LRRC4C: variants seen among roughly 807,000 people sequenced by gnomAD.
The protein encoded by LRRC4C is leucine rich repeat containing 4C.
Under a neutral mutation model 33.6 loss-of-function variants are expected in LRRC4C, and 5 were observed. The observed-to-expected ratio is 0.15, with a 90% CI of 0.08 to 0.31. The LOEUF (loss-of-function observed/expected upper bound fraction) is 0.31. Among genes scored for constraint, LRRC4C ranks in the 10% least tolerant of loss-of-function variants. The probability of loss-of-function intolerance (pLI) is 1.00; values close to 1 mark genes in which losing one functional copy is unlikely to be tolerated. For missense variants in LRRC4C, 560 were observed against 796.7 expected, an observed-to-expected ratio of 0.70 and a Z score of 3.58; for synonymous variants, 329 against 302.0, an observed-to-expected ratio of 1.09 and a Z score of -0.93.
At chr11:41,208,684 C>T (rs1946697297) in intron 1 of LRRC4C, among the ~76,000 whole-genome samples, 1 of 152,206 alleles carries the variant, frequency 6.6e-6, no homozygotes, top group African/African-American at 2.4e-5. Flanking sequence ...GGAACATGTG[C>T]TTCTCTACAA....
intron 2 of LRRC4C, among the ~76,000 whole-genome samples, chr11:40,866,401 A>C (rs1954372420): frequency 6.6e-6 from 1 of 152,132 alleles, no homozygotes; most frequent in South Asian, 2.1e-4. Context: ...TTCTTTGCAA[A>C]GTTTCATGAA....
At chr11:41,376,992 T>C (rs1008832101) in intron 1 of LRRC4C, among the ~76,000 whole-genome samples, 25 of 152,124 alleles carry the variant, frequency 1.6e-4, no homozygotes, top group Non-Finnish European at 1.6e-4. Flanking sequence ...TAAAATGGGT[T>C]AAATCTAACA....
chr11:40,638,225 T>C (rs72892757), intron 3 of LRRC4C, among the ~76,000 whole-genome samples: 23,986 of 152,230 alleles, frequency 0.16, 1,924 homozygotes, highest in Non-Finnish European at 0.18. Context: ...CTCTGTCCAC[T>C]AAAATATGGG....
At chr11:40,451,930 AGACAGTGGGTGCAG>A (rs1270350491) in intron 3 of LRRC4C, among the ~76,000 whole-genome samples, 1 of 152,144 alleles carries the variant, frequency 6.6e-6, no homozygotes, top group African/African-American at 2.4e-5. Flanking sequence ...GGGGATTGTC[AGACAGTGGGTGCAG>A]GACAGTGGGT....
chr11:40,620,376 C>T (rs1023474720), intron 3 of LRRC4C, among the ~76,000 whole-genome samples: 1 of 151,720 alleles, frequency 6.6e-6, no homozygotes, highest in East Asian at 1.9e-4. Context: ...TTCTGCTCAA[C>T]AGCCTTAGGC....
chr11:40,122,565 A>G (rs1377543235), intron 6 of LRRC4C, among the ~76,000 whole-genome samples: 1 of 152,090 alleles, frequency 6.6e-6, no homozygotes, highest in African/African-American at 2.4e-5. Context: ...TTCTGACCTA[A>G]TCTTCACAGC....
chr11:40,586,033 T>C (rs77595932), intron 3 of LRRC4C, among the ~76,000 whole-genome samples: 1 of 134,038 alleles, frequency 7.5e-6, no homozygotes, highest in Non-Finnish European at 1.6e-5. Flanking sequence ...TTCTAGATCC[T>C]TGAGGAATCG....
chr11:41,419,320 C>T (rs1954794847), intron 1 of LRRC4C, among the ~76,000 whole-genome samples: 1 of 151,872 alleles, frequency 6.6e-6, no homozygotes, highest in Admixed American at 6.6e-5. Flanking sequence ...CACAATGACT[C>T]TTATAATATA....
chr11:40,670,941 A>T (rs956512766), intron 2 of LRRC4C, among the ~76,000 whole-genome samples: 4 of 151,732 alleles, frequency 2.6e-5, no homozygotes, highest in African/African-American at 4.8e-5. Context: ...TTTTTTGTAT[A>T]TTTAGTAGAG....
intron 1 of LRRC4C, among the ~76,000 whole-genome samples, chr11:41,279,560 C>T (rs1949600965): frequency 6.6e-6 from 1 of 152,102 alleles, no homozygotes; most frequent in African/African-American, 2.4e-5. Flanking sequence ...AGTTCACTCT[C>T]CTGTTTAATT....
chr11:40,227,265 C>T (rs901219698), intron 5 of LRRC4C, among the ~76,000 whole-genome samples: 6 of 152,184 alleles, frequency 3.9e-5, no homozygotes, highest in African/African-American at 1.4e-4. Flanking sequence ...TTCCTCTCCT[C>T]CCAGTGGATT....
intron 2 of LRRC4C, among the ~76,000 whole-genome samples, chr11:40,768,258 G>C (rs531538131): frequency 6.6e-6 from 1 of 151,970 alleles, no homozygotes; most frequent in East Asian, 1.9e-4. Flanking sequence ...CCTACCAAGA[G>C]AACCACAAAG....
intron 2 of LRRC4C, among the ~76,000 whole-genome samples, chr11:40,817,150 A>G (rs952413377): frequency 6.6e-6 from 1 of 152,198 alleles, no homozygotes; most frequent in African/African-American, 2.4e-5. Context: ...CCTCACTCAG[A>G]AAACTTTCCT....
At chr11:41,112,581 A>G (rs1941897399) in intron 1 of LRRC4C, among the ~76,000 whole-genome samples, 1 of 152,040 alleles carries the variant, frequency 6.6e-6, no homozygotes, top group South Asian at 2.1e-4. Context: ...TTCCTTTAAA[A>G]TTTTATAAAC....
At chr11:41,118,246 C>T (rs1942241770) in intron 1 of LRRC4C, among the ~76,000 whole-genome samples, 1 of 152,138 alleles carries the variant, frequency 6.6e-6, no homozygotes, top group South Asian at 2.1e-4. Context: ...ACATTCGCTG[C>T]ATCCAGAAAG....
intron 2 of LRRC4C, among the ~76,000 whole-genome samples, chr11:40,802,634 G>A (rs1951086391): frequency 6.6e-6 from 1 of 152,076 alleles, no homozygotes; most frequent in Non-Finnish European, 1.5e-5. Context: ...ATTGAACATT[G>A]TAGAATAAAG....
At chr11:40,460,355 G>C (rs1952335779) in intron 3 of LRRC4C, among the ~76,000 whole-genome samples, 1 of 151,612 alleles carries the variant, frequency 6.6e-6, no homozygotes, top group Non-Finnish European at 1.5e-5. Context: ...ATCCACCCAA[G>C]ATACAGACAA....
rs529875829 is a variant in LRRC4C, at chr11:40,610,325, A to G, written c.-270+37817T>C. Reference sequence around the variant, plus strand: ...AGTTGACAAAATTAAACAACTTTTTACAATAAAAACACTCAACACACTAGG... The same window carrying G: ...AGTTGACAAAATTAAACAACTTTTTGCAATAAAAACACTCAACACACTAGG... On this transcript the variant is annotated intron_variant, in intron 3 of 6. Coordinates refer to ENST00000528697, the MANE Select transcript of LRRC4C (RefSeq NM_001258419.2). 3.3e-5 allele frequency among the ~76,000 whole-genome samples: 5 copies of G among 152,060 alleles called. No homozygotes were observed. In the South Asian group the frequency reaches 8.3e-4, roughly 25 times the overall value.
chr11:41,076,992 A>C (rs777064554), intron 1 of LRRC4C, among the ~76,000 whole-genome samples: 9 of 152,236 alleles, frequency 5.9e-5, no homozygotes, highest in Non-Finnish European at 1.2e-4. Context: ...CAGGCCGGGC[A>C]GTCATTAAAT....
Sources: gnomAD v4.1 joint callset for allele counts (sites outside exome capture counted in the v4.1 genomes callset) on GRCh38, gnomAD v4.1.1 for gene constraint, MANE v1.5 for transcripts, NCBI Gene and HGNC (gene_info 2026-07-23, HGNC 2026-07-21) for gene names.